YPEL1: variants seen among roughly 807,000 people sequenced by gnomAD.
YPEL1 encodes the protein protein yippee-like 1.
YPEL1 carries 7 observed loss-of-function variants against 17.3 expected under a neutral mutation model. That is an observed-to-expected ratio of 0.40 (90% CI 0.23 to 0.76). The LOEUF (loss-of-function observed/expected upper bound fraction) is 0.76. Ranked by LOEUF, YPEL1 falls within the 30% of genes least tolerant of loss-of-function variation. The pLI, the probability that YPEL1 is intolerant of heterozygous loss-of-function variation, is 0.35. For synonymous variants in YPEL1, 59 were observed against 59.6 expected (o/e 0.99, Z 0.05); for missense variants, 91 against 155.5 (o/e 0.59, Z 2.21).
rs2068430862 is a variant in YPEL1, at chr22:21,735,725, C to G, written c.-275G>C. On this transcript the variant is annotated 5_prime_UTR_variant, in exon 1 of 5. Transcript: ENST00000339468. ...GGCGCGGCCCGGGACGCGCTGAGGC[C>G]GTTAACGCCTAGGCAGGGCGCGAGG... 6.6e-6 allele frequency: 1 copy of G among 150,914 alleles called. No individual in the cohort carries two copies. 9.3% of individuals were successfully genotyped at this position (150,914 alleles called of 1,614,324 possible).
In YPEL1 at chr22:21,705,048, CT is replaced by C. The variant is rs1181298983; in HGVS notation, c.118-1167del. Reference sequence around the variant, plus strand: ...TGGCACCATCTGGACTCACTGCAGCCTCTGCCTCCAGGGTTCAAGCAATTCT... The same window carrying C: ...TGGCACCATCTGGACTCACTGCAGCCCTGCCTCCAGGGTTCAAGCAATTCT... On this transcript the variant is annotated intron_variant, in intron 2 of 4. Transcript: ENST00000339468. Among the ~76,000 whole-genome samples, 5 of 152,326 alleles carry C rather than the reference CT, an allele frequency of 3.3e-5. No homozygotes were observed. In the East Asian group the frequency reaches 9.6e-4, roughly 29 times the overall value.
chr22:21,726,316 G>T (rs563772963), intron 1 of YPEL1, among the ~76,000 whole-genome samples: 1 of 152,340 alleles, frequency 6.6e-6, no homozygotes, highest in African/African-American at 2.4e-5. Context: ...AGAATGACAA[G>T]AATGTTGCCA....
intron 1 of YPEL1, among the ~76,000 whole-genome samples, chr22:21,722,702 C>A (rs938159859): frequency 6.6e-6 from 1 of 152,012 alleles, no homozygotes; most frequent in East Asian, 1.9e-4. Flanking sequence ...TGCCTAACTG[C>A]AGATCATCTT....
chr22:21,719,423 C>T lies in YPEL1; in HGVS notation c.-164-8515G>A, dbSNP rs142684503. On this transcript the variant is annotated intron_variant, in intron 1 of 4. Transcript: ENST00000339468. ...TTCATTTCTCTCTTCTTTCCCTGGACTTCCCTTTAACAAAGATACTAAGAA... is the reference window on the plus strand; with the variant it reads ...TTCATTTCTCTCTTCTTTCCCTGGATTTCCCTTTAACAAAGATACTAAGAA... Among the ~76,000 whole-genome samples the T allele has an allele frequency of 2.4e-3, 369 of 152,318 alleles. 1 individual carries two copies. The highest frequency in any genetic ancestry group is 8.4e-3 in the African/African-American group (350 of 41,560).
rs776344526 is a variant in YPEL1 at position 21,701,094 on chromosome 22, A to G, written c.*35T>C. ...CATTACATTCACAGTTTCTTTCACA[A>G]AACAGCATTCAAAGGAGAAGGGAAA... On this transcript the variant is annotated 3_prime_UTR_variant, in exon 5 of 5. Coordinates refer to ENST00000339468, the MANE Select transcript of YPEL1 (RefSeq NM_013313.5). 2 of 1,578,964 alleles carry G rather than the reference A, an allele frequency of 1.3e-6. No individual in the cohort carries two copies. Among genetic ancestry groups the G allele is most frequent in the Non-Finnish European group, 1.7e-6 (2 of 1,148,812 alleles).
At chr22:21,720,005 C>G (rs927791380) in intron 1 of YPEL1, among the ~76,000 whole-genome samples, 6 of 139,070 alleles carry the variant, frequency 4.3e-5, no homozygotes, top group Middle Eastern at 3.4e-3. Context: ...GAGCGAGACT[C>G]CATCTCAAAA....
At chr22:21,702,738 G>A (rs985411970) in intron 4 of YPEL1, among the ~76,000 whole-genome samples, 12 of 152,168 alleles carry the variant, frequency 7.9e-5, no homozygotes, top group Admixed American at 6.5e-5. Context: ...ACTCGGCCAC[G>A]AAGGTCAGAG....
chr22:21,703,276 G>T lies in YPEL1; in HGVS notation c.270+94C>A. On this transcript the variant is annotated intron_variant, in intron 4 of 4. Transcript: ENST00000339468. This position sits in a 1 kb window ranked among gnomAD's most constrained non-coding sequence, Gnocchi z 6.1. ...TGGGGTTTCTGAAAGTGCTGTGACT[G>T]GTACCATGGGCCACACTGCACGGGG... is the stretch of plus-strand genomic sequence containing the variant. The T allele has an allele frequency of 9.1e-7, 1 of 1,095,858 alleles. No homozygotes were observed. Among genetic ancestry groups the T allele is most frequent in the South Asian group, 1.3e-5 (1 of 76,732 alleles). 67.9% of individuals were successfully genotyped at this position (1,095,858 alleles called of 1,614,324 possible).
intron 1 of YPEL1, among the ~76,000 whole-genome samples, chr22:21,726,230 C>T (rs978066604): frequency 6.6e-6 from 1 of 152,072 alleles, no homozygotes; most frequent in East Asian, 1.9e-4. Context: ...AAGGACCAGC[C>T]GCAGCCTGCT....
intron 1 of YPEL1, among the ~76,000 whole-genome samples, chr22:21,715,578 A>G (rs1377184510): frequency 1.7e-5 from 2 of 115,736 alleles, no homozygotes; most frequent in Non-Finnish European, 4.1e-5. Context: ...CATAAAAGGT[A>G]GATTTTTTAT....
At chr22:21,713,346 G>A (rs1417473507) in intron 1 of YPEL1, among the ~76,000 whole-genome samples, 1 of 152,164 alleles carries the variant, frequency 6.6e-6, no homozygotes. Flanking sequence ...CAACAGCCAC[G>A]AGGGGGAAGC....
intron 2 of YPEL1, among the ~76,000 whole-genome samples, chr22:21,706,451 G>GA (rs1246707906): frequency 3.4e-5 from 5 of 148,662 alleles, no homozygotes; most frequent in Non-Finnish European, 7.5e-5. Flanking sequence ...AAAAAAAAAA[G>GA]AAAAAAAAAT....
At chr22:21,727,855 C>A (rs2068350049) in intron 1 of YPEL1, among the ~76,000 whole-genome samples, 1 of 152,218 alleles carries the variant, frequency 6.6e-6, no homozygotes, top group Admixed American at 6.5e-5. Context: ...CACCACCTGG[C>A]AGGTGAGTGT....
intron 1 of YPEL1, among the ~76,000 whole-genome samples, chr22:21,729,162 T>A (rs1368027702): frequency 6.6e-6 from 1 of 150,550 alleles, no homozygotes; most frequent in Admixed American, 6.6e-5. Context: ...AAAAAAAAAA[T>A]TAGCCGGGCA....
At chr22:21,707,410 C>T (rs1014620857) in intron 2 of YPEL1, among the ~76,000 whole-genome samples, 2 of 152,150 alleles carry the variant, frequency 1.3e-5, no homozygotes, top group African/African-American at 4.8e-5. Context: ...AAGCAAGGCT[C>T]CATCTCAAAC....
intron 1 of YPEL1, among the ~76,000 whole-genome samples, chr22:21,722,334 T>G (rs1226223569): frequency 6.6e-6 from 1 of 152,164 alleles, no homozygotes; most frequent in Non-Finnish European, 1.5e-5. Context: ...AAGAAATGCT[T>G]GAACCCTGGA....
At chr22:21,705,422 A>T (rs2068105956) in intron 2 of YPEL1, among the ~76,000 whole-genome samples, 1 of 152,222 alleles carries the variant, frequency 6.6e-6, no homozygotes, top group African/African-American at 2.4e-5. Context: ...TCTAAATTTC[A>T]TTGGAAAGAA....
intron 1 of YPEL1, 64 bp from the exon 2 acceptor site, chr22:21,710,972 T>C (rs2068159287): frequency 3.7e-6 from 2 of 533,820 alleles, no homozygotes; most frequent in Non-Finnish European, 6.8e-6. Context: ...CAGGTACATA[T>C]GGGATTCATG....
rs573382252 is a variant in YPEL1 at position 21,697,924 on chromosome 22, T to C, written c.*3205A>G. The C allele has an allele frequency of 6.6e-6, 1 of 152,436 alleles. No individual in the cohort carries two copies. Among genetic ancestry groups the C allele is most frequent in the East Asian group, 1.9e-4 (1 of 5,330 alleles). 9.4% of individuals were successfully genotyped at this position (152,436 alleles called of 1,614,324 possible). A position where few individuals can be genotyped will look rare whatever the true frequency, so the allele number is the denominator to read the frequency against. On this transcript the variant is annotated 3_prime_UTR_variant, in exon 5 of 5. Transcript: ENST00000339468. ...TTGGGAAGATTCTTATTTTCAATTC[T>C]AATATCTGACAGATGCCATCAAGAA... is the stretch of plus-strand genomic sequence containing the variant.
Sources: allele counts gnomAD v4.1 joint callset (sites outside exome capture counted in the v4.1 genomes callset), GRCh38; gene constraint gnomAD v4.1.1; non-coding constraint Gnocchi (gnomAD v3.1); transcripts MANE v1.5; gene names NCBI Gene and HGNC (gene_info 2026-07-23, HGNC 2026-07-21).